The following KCNIP4 variants were observed in gnomAD, a reference collection of about 807,000 sequenced individuals.
The protein encoded by KCNIP4 is Kv channel-interacting protein 4.
In KCNIP4, 12 loss-of-function variants were observed where a neutral mutation model predicts 34.0. That is an observed-to-expected ratio of 0.35 (90% CI 0.23 to 0.57). The LOEUF (loss-of-function observed/expected upper bound fraction) is 0.57, where lower values mean the gene tolerates loss of function less well. Among genes scored for constraint, KCNIP4 ranks in the 20% least tolerant of loss-of-function variants. The probability of loss-of-function intolerance (pLI) is 0.83; values close to 1 mark genes in which losing one functional copy is unlikely to be tolerated. For synonymous variants in KCNIP4, 124 were observed against 102.2 expected, an observed-to-expected ratio of 1.21 and a Z score of -1.29; for missense variants, 238 against 311.7, an observed-to-expected ratio of 0.76 and a Z score of 1.78.
At chr4:21,017,143 A>G (rs1315774777) in intron 1 of KCNIP4, among the ~76,000 whole-genome samples, 1 of 152,180 alleles carries the variant, frequency 6.6e-6, no homozygotes, top group African/African-American at 2.4e-5. Flanking sequence ...ATGTTCAAAT[A>G]AGTTCATCTT....
Position 21,711,201 on chromosome 4 carries a change from C to T in KCNIP4, c.61+237370G>A, listed in dbSNP as rs188619644. 3.0e-4 allele frequency among the ~76,000 whole-genome samples: 45 copies of T among 152,302 alleles called. 1 individual carries two copies. Among genetic ancestry groups the T allele is most frequent in the African/African-American group, 8.7e-4 (36 of 41,572 alleles). On this transcript the variant is annotated intron_variant, in intron 1 of 8. Transcript: ENST00000382152. ...TAAGAAAAAGGAAATGGGCCAGACA[C>T]AGTGGCTCACGCCTGTAATCCCAGC...
intron 1 of KCNIP4, among the ~76,000 whole-genome samples, chr4:21,826,618 G>A (rs1190496274): frequency 6.6e-6 from 1 of 151,808 alleles, no homozygotes; most frequent in East Asian, 1.9e-4. Flanking sequence ...CTGGTGTTGA[G>A]GTTGATTAAA....
intron 1 of KCNIP4, among the ~76,000 whole-genome samples, chr4:21,492,272 G>A (rs1367340492): frequency 1.3e-5 from 2 of 152,126 alleles, no homozygotes; most frequent in Admixed American, 6.6e-5. Flanking sequence ...AAGTTGGAGT[G>A]CAGTGGCATG....
chr4:20,921,371 T>C (rs558185889), intron 1 of KCNIP4, among the ~76,000 whole-genome samples: 18 of 152,304 alleles, frequency 1.2e-4, no homozygotes, highest in Non-Finnish European at 1.5e-4. Flanking sequence ...GAACTGTTAA[T>C]ATGTGTTTAA....
At chr4:21,264,646 A>T (rs969051287) in intron 1 of KCNIP4, among the ~76,000 whole-genome samples, 3 of 152,226 alleles carry the variant, frequency 2.0e-5, no homozygotes, top group Admixed American at 6.5e-5. Flanking sequence ...GCAGTCTCTG[A>T]CACATATGAT....
chr4:21,652,070 T>G (rs1503991), intron 1 of KCNIP4, among the ~76,000 whole-genome samples: 2,614 of 152,296 alleles, frequency 0.017, 208 homozygotes, highest in Admixed American at 0.13. Context: ...TCTACACCTC[T>G]AACACTTCTA....
intron 1 of KCNIP4, among the ~76,000 whole-genome samples, chr4:21,913,117 A>G (rs1265419386): frequency 1.3e-5 from 2 of 151,924 alleles, no homozygotes; most frequent in African/African-American, 4.8e-5. Flanking sequence ...AATAGTATTA[A>G]GTAGTGGGCC....
At chr4:20,993,552 AG>A (rs1174663636) in intron 1 of KCNIP4, among the ~76,000 whole-genome samples, 1 of 152,180 alleles carries the variant, frequency 6.6e-6, no homozygotes, top group Non-Finnish European at 1.5e-5. Context: ...GAAGAAGAAA[AG>A]TTTCCCCTAC....
intron 1 of KCNIP4, among the ~76,000 whole-genome samples, chr4:21,694,452 T>C (rs1223730478): frequency 6.6e-6 from 1 of 152,164 alleles, no homozygotes; most frequent in Non-Finnish European, 1.5e-5. Flanking sequence ...GCATATGTTT[T>C]TATGATAAAT....
rs115486354 is a variant in KCNIP4 at position 21,333,845 on chromosome 4, T to C, written c.62-451136A>G. On this transcript the variant is annotated intron_variant, in intron 1 of 8. Coordinates refer to ENST00000382152, the MANE Select transcript of KCNIP4 (RefSeq NM_025221.6). ...TGGATGCTTCTGTTGATAAGGATCA[T>C]GGCCAGTGGCCAAAAGGCAATCTTC... 7.2e-3 allele frequency among the ~76,000 whole-genome samples: 1,100 copies of C among 152,270 alleles called. 16 individuals are homozygous for C. The highest frequency in any genetic ancestry group is 0.026 in the African/African-American group (1,071 of 41,580).
chr4:21,060,893 T>G (rs558315813), intron 1 of KCNIP4, among the ~76,000 whole-genome samples: 2 of 152,288 alleles, frequency 1.3e-5, no homozygotes, highest in Admixed American at 1.3e-4. Flanking sequence ...AAGCATTACC[T>G]TAAAGTATAT....
intron 1 of KCNIP4, among the ~76,000 whole-genome samples, chr4:21,223,888 G>T (rs931169088): frequency 2.6e-5 from 4 of 151,928 alleles, no homozygotes; most frequent in African/African-American, 9.7e-5. Flanking sequence ...TTGTTCTGTG[G>T]TTCACCTTTA....
intron 1 of KCNIP4, among the ~76,000 whole-genome samples, chr4:20,995,457 C>T (rs902904635): frequency 6.6e-6 from 1 of 152,188 alleles, no homozygotes; most frequent in South Asian, 2.1e-4. Flanking sequence ...ATTATTATGC[C>T]CATTTGACCA....
At chr4:21,261,823 A>C (rs895374034) in intron 1 of KCNIP4, among the ~76,000 whole-genome samples, 2 of 152,128 alleles carry the variant, frequency 1.3e-5, no homozygotes, top group African/African-American at 4.8e-5. Flanking sequence ...CTATAAAATA[A>C]ATTACAGAAT....
chr4:21,830,408 C>T (rs1441662578), intron 1 of KCNIP4, among the ~76,000 whole-genome samples: 1 of 152,032 alleles, frequency 6.6e-6, no homozygotes, highest in African/African-American at 2.4e-5. Context: ...GGCATGGTGA[C>T]TCATGCCTGC....
At chr4:21,649,741 GTGA>G (rs1747327050) in intron 1 of KCNIP4, among the ~76,000 whole-genome samples, 2 of 152,180 alleles carry the variant, frequency 1.3e-5, no homozygotes, top group African/African-American at 4.8e-5. Context: ...GCCTTGCAAA[GTGA>G]CATTTTCTCC....
intron 1 of KCNIP4, among the ~76,000 whole-genome samples, chr4:21,649,650 C>A (rs1747317939): frequency 6.6e-6 from 1 of 152,120 alleles, no homozygotes; most frequent in Non-Finnish European, 1.5e-5. Flanking sequence ...TGTCTTGTTC[C>A]TTTTATCCTC....
At chr4:21,253,987 C>T (rs1237286628) in intron 1 of KCNIP4, among the ~76,000 whole-genome samples, 1 of 152,066 alleles carries the variant, frequency 6.6e-6, no homozygotes, top group Non-Finnish European at 1.5e-5. Flanking sequence ...ATGAAATATC[C>T]AGAATAGGTA....
chr4:21,183,500 G>A (rs1755000553), intron 1 of KCNIP4, among the ~76,000 whole-genome samples: 1 of 148,746 alleles, frequency 6.7e-6, no homozygotes, highest in African/African-American at 2.5e-5. Context: ...TGGAGACAGA[G>A]TCTTGCTCTG....
Sources: allele counts gnomAD v4.1 joint callset (sites outside exome capture counted in the v4.1 genomes callset), GRCh38; gene constraint gnomAD v4.1.1; transcripts MANE v1.5; gene names NCBI Gene and HGNC (gene_info 2026-07-23, HGNC 2026-07-21).